The following SUMF1 variants were observed in gnomAD, a reference collection of about 807,000 sequenced individuals.
The protein encoded by SUMF1 is formylglycine-generating enzyme.
In SUMF1, 48 loss-of-function variants were observed where a neutral mutation model predicts 47.6. The ratio of observed to expected loss-of-function variants is 1.01; its 90% CI spans 0.80 to 1.28. SUMF1 has a LOEUF of 1.28. Ranked by LOEUF, SUMF1 falls within the 50% of genes most tolerant of loss-of-function variation. SUMF1 has a pLI of 0.00. For synonymous variants in SUMF1, 230 were observed against 192.1 expected (o/e 1.20, Z -1.63); for missense variants, 571 against 485.4 (o/e 1.18, Z -1.66).
In SUMF1 at chr3:4,064,433, C is replaced by T. The variant is rs575940238; in HGVS notation, c.1191+4136G>A. On this transcript the variant is annotated intron_variant and NMD_transcript_variant, in intron 9 of 12. Coordinates refer to the SUMF1 transcript ENST00000448413. The stretch of plus-strand genomic sequence containing the variant: ...ACCCTCAGTTCTGGGTTTGCTTGCC[C>T]CTTTCCTGGAAAACTCATGAATAAG... Among the ~76,000 whole-genome samples the T allele has an allele frequency of 3.3e-5, 5 of 152,192 alleles. No individual in the cohort carries two copies. The South Asian group carries it at 1.0e-3, about 32-fold the overall frequency.
At chr3:4,226,068 GAAA>G (rs1228816436) in intron 8 of SUMF1, among the ~76,000 whole-genome samples, 4 of 151,998 alleles carry the variant, frequency 2.6e-5, no homozygotes, top group Admixed American at 2.6e-4. Context: ...CTCAACTGGA[GAAA>G]CTTCTGGCCC....
At position 4,249,837 on chromosome 3, in the gene SUMF1, G is replaced by A. The variant is rs141735673; in HGVS notation, c.1014+126493C>T. Among the ~76,000 whole-genome samples the A allele has an allele frequency of 1.3e-3, 203 of 152,204 alleles. 2 individuals are homozygous for A. The highest frequency in any genetic ancestry group is 4.6e-3 in the African/African-American group (192 of 41,534). ...TGTGAATGCAAAGGAAAACTTCTCCGAGGAAATTAAAAGTGCTCCTCCAGT... is the reference window on the plus strand; with the variant it reads ...TGTGAATGCAAAGGAAAACTTCTCCAAGGAAATTAAAAGTGCTCCTCCAGT... On this transcript the variant is annotated intron_variant and NMD_transcript_variant, in intron 8 of 12. Coordinates refer to the SUMF1 transcript ENST00000448413.
intron 8 of SUMF1, among the ~76,000 whole-genome samples, chr3:4,225,988 TAGG>T (rs1397382172): frequency 2.0e-5 from 3 of 151,956 alleles, no homozygotes; most frequent in African/African-American, 4.8e-5. Flanking sequence ...AGAAACAGAA[TAGG>T]AGGAGGACAC....
At chr3:4,253,906 C>A (rs1339139519) in intron 8 of SUMF1, among the ~76,000 whole-genome samples, 1 of 150,086 alleles carries the variant, frequency 6.7e-6, no homozygotes, top group Non-Finnish European at 1.5e-5. Flanking sequence ...CAGCACGCAG[C>A]TGGAGATCTG....
At chr3:4,270,333 G>A (rs1416258487) in intron 8 of SUMF1, among the ~76,000 whole-genome samples, 1 of 151,936 alleles carries the variant, frequency 6.6e-6, no homozygotes, top group Non-Finnish European at 1.5e-5. Flanking sequence ...TCAAGAGAGG[G>A]AAAGTCTCTT....
At chr3:4,389,432 T>C (rs915417394) in intron 7 of SUMF1, among the ~76,000 whole-genome samples, 1 of 152,164 alleles carries the variant, frequency 6.6e-6, no homozygotes, top group African/African-American at 2.4e-5. Flanking sequence ...CGGTGTCTTC[T>C]TGTAGATTTC....
At chr3:4,438,737 C>A (rs1702481920) in intron 3 of SUMF1, among the ~76,000 whole-genome samples, 1 of 151,960 alleles carries the variant, frequency 6.6e-6, no homozygotes, top group South Asian at 2.1e-4. Flanking sequence ...TCAGCAATTA[C>A]TAAGATCAAG....
chr3:4,205,279 C>T (rs1695626752), intron 8 of SUMF1, among the ~76,000 whole-genome samples: 1 of 152,134 alleles, frequency 6.6e-6, no homozygotes, highest in Non-Finnish European at 1.5e-5. Context: ...AAACATTGCT[C>T]CAAACTCCAC....
intron 8 of SUMF1, among the ~76,000 whole-genome samples, chr3:4,215,896 C>A (rs1695912351): frequency 6.6e-6 from 1 of 152,070 alleles, no homozygotes; most frequent in Non-Finnish European, 1.5e-5. Context: ...AGAGAGGTCA[C>A]AAACAAATGG....
At chr3:4,066,711 T>C (rs1695383956) in intron 9 of SUMF1, among the ~76,000 whole-genome samples, 1 of 152,160 alleles carries the variant, frequency 6.6e-6, no homozygotes, top group Non-Finnish European at 1.5e-5. Flanking sequence ...GGCTGCCATC[T>C]TCCCGGCCGA....
At chr3:4,172,721 T>C (rs535204346) in intron 8 of SUMF1, among the ~76,000 whole-genome samples, 1 of 152,276 alleles carries the variant, frequency 6.6e-6, no homozygotes, top group South Asian at 2.1e-4. Flanking sequence ...GGTTTTTTCT[T>C]GTAAATTTGT....
chr3:4,258,881 A>T (rs993914069), intron 8 of SUMF1, among the ~76,000 whole-genome samples: 6 of 136,132 alleles, frequency 4.4e-5, no homozygotes, highest in Non-Finnish European at 3.2e-5. Flanking sequence ...CAACAATGAT[A>T]GACTGGATTA....
Position 4,039,208 on chromosome 3 carries a change from A to ATTTT in SUMF1, c.1191+29360_1191+29361insAAAA, listed in dbSNP as rs1213784165. 4.0e-3 allele frequency among the ~76,000 whole-genome samples: 186 copies of ATTTT among 46,146 alleles called. 5 individuals are homozygous for ATTTT. The highest frequency in any genetic ancestry group is 6.0e-3 in the Non-Finnish European group (143 of 23,952). The allele number at this position is 46,146 out of a possible 152,430, so 30.3% of individuals were successfully genotyped here. Reference sequence around the variant, plus strand: ...CAAGCATGCCTGAAACATCTATGCAAATTTTTTTTTTTTTTTTTTTTTTTT... The same window carrying ATTTT: ...CAAGCATGCCTGAAACATCTATGCAATTTTATTTTTTTTTTTTTTTTTTTTTTTT... On this transcript the variant is annotated intron_variant and NMD_transcript_variant, in intron 9 of 12. Coordinates refer to the SUMF1 transcript ENST00000448413.
intron 8 of SUMF1, among the ~76,000 whole-genome samples, chr3:4,279,401 A>C (rs1054809820): frequency 7.9e-5 from 12 of 152,324 alleles, no homozygotes; most frequent in African/African-American, 2.9e-4. Context: ...CTGCATGCCC[A>C]TCAACAATTA....
chr3:4,136,415 C>G (rs1190605409), intron 8 of SUMF1, among the ~76,000 whole-genome samples: 1 of 152,028 alleles, frequency 6.6e-6, no homozygotes, highest in Non-Finnish European at 1.5e-5. Context: ...ACTGGCTAGC[C>G]ATATGTAGAA....
intron 8 of SUMF1, among the ~76,000 whole-genome samples, chr3:4,131,460 G>A (rs369192333): frequency 1.2e-4 from 19 of 152,252 alleles, no homozygotes; most frequent in African/African-American, 4.3e-4. Flanking sequence ...GTGGACAGCT[G>A]CACTACTACA....
chr3:4,324,918 A>C (rs1474605778), intron 8 of SUMF1, among the ~76,000 whole-genome samples: 1 of 152,138 alleles, frequency 6.6e-6, no homozygotes, highest in Admixed American at 6.6e-5. Context: ...TTTATAAAGA[A>C]AAAGAGGTTT....
intron 8 of SUMF1, among the ~76,000 whole-genome samples, chr3:4,145,174 C>G (rs765006511): frequency 6.7e-5 from 8 of 120,088 alleles, no homozygotes; most frequent in Non-Finnish European, 1.1e-4. Flanking sequence ...GCCTGGGCAA[C>G]AGAGTGAAAC....
At position 4,361,309 on chromosome 3, in the gene SUMF1, G is replaced by A. The variant is rs1357167697; in HGVS notation, c.*835C>T. 1 of 152,564 alleles carries A rather than the reference G, an allele frequency of 6.6e-6. No homozygotes were observed. The highest frequency in any genetic ancestry group is 1.5e-5 in the Non-Finnish European group (1 of 68,038). The allele number at this position is 152,564 out of a possible 1,614,324, so 9.5% of individuals were successfully genotyped here. On this transcript the variant is annotated 3_prime_UTR_variant, in exon 9 of 9. Transcript: ENST00000272902. The stretch of plus-strand genomic sequence containing the variant: ...TTTCCCTATATCTAGAATTAAACAG[G>A]TTTCCCCGTTTAGCGCACATTTCAC...
Sources: allele counts gnomAD v4.1 joint callset (sites outside exome capture counted in the v4.1 genomes callset), GRCh38; gene constraint gnomAD v4.1.1; transcripts MANE v1.5; gene names NCBI Gene and HGNC (gene_info 2026-07-23, HGNC 2026-07-21).